Variants in CLIC4 observed in about 807,000 individuals in gnomAD.
CLIC4 encodes CLIC family member 4.
Under a neutral mutation model 24.6 loss-of-function variants are expected in CLIC4, and 13 were observed. That is an observed-to-expected ratio of 0.53 (90% CI 0.34 to 0.84). The LOEUF (loss-of-function observed/expected upper bound fraction) is 0.84. Ranked by LOEUF, CLIC4 falls within the 40% of genes least tolerant of loss-of-function variation. The pLI is 0.01. For synonymous variants in CLIC4, 104 were observed against 111.3 expected (o/e 0.93, Z 0.41); for missense variants, 227 against 301.7 (o/e 0.75, Z 1.83).
intron 3 of CLIC4, among the ~76,000 whole-genome samples, chr1:24,825,281 T>C (rs897596711): frequency 4.6e-5 from 7 of 152,160 alleles, no homozygotes; most frequent in Admixed American, 2.0e-4. Flanking sequence ...TGAAAAGGCA[T>C]TATGTTCACT....
chr1:24,797,353 C>A lies in CLIC4; in HGVS notation c.73-389C>A, dbSNP rs184120097. ...CTTTAGGAGGCTGAGGCAGGTGGATCACTTGAGCCCAGGAGTTCAAGACCA... is the reference window on the plus strand; with the variant it reads ...CTTTAGGAGGCTGAGGCAGGTGGATAACTTGAGCCCAGGAGTTCAAGACCA... On this transcript the variant is annotated intron_variant, in intron 1 of 5. Coordinates refer to ENST00000374379, the MANE Select transcript of CLIC4 (RefSeq NM_013943.3). Among the ~76,000 whole-genome samples, 34 of 151,844 alleles carry A rather than the reference C, an allele frequency of 2.2e-4. No individual in the cohort carries two copies. The East Asian group carries it at 5.1e-3, about 23-fold the overall frequency.
At chr1:24,776,034 C>G (rs1639136727) in intron 1 of CLIC4, among the ~76,000 whole-genome samples, 1 of 152,144 alleles carries the variant, frequency 6.6e-6, no homozygotes. Flanking sequence ...ACTGTCCCCC[C>G]ATAGTAGGTG....
At chr1:24,756,515 C>G (rs1638851896) in intron 1 of CLIC4, among the ~76,000 whole-genome samples, 1 of 152,110 alleles carries the variant, frequency 6.6e-6, no homozygotes. Context: ...TTCCAACTTA[C>G]ATGTGAATAA....
chr1:24,824,072 T>G (rs1415727989), intron 3 of CLIC4, among the ~76,000 whole-genome samples: 2 of 152,224 alleles, frequency 1.3e-5, no homozygotes, highest in Non-Finnish European at 2.9e-5. Flanking sequence ...AAACCATTGC[T>G]TGATCAAGCT....
intron 1 of CLIC4, among the ~76,000 whole-genome samples, chr1:24,765,654 CTG>C (rs1638985438): frequency 6.6e-6 from 1 of 152,170 alleles, no homozygotes; most frequent in Non-Finnish European, 1.5e-5. Context: ...GCAGGAACCC[CTG>C]TGTTAGATTA....
At chr1:24,774,127 G>A (rs1296959958) in intron 1 of CLIC4, among the ~76,000 whole-genome samples, 4 of 151,708 alleles carry the variant, frequency 2.6e-5, no homozygotes, top group Non-Finnish European at 5.9e-5. Context: ...TGCACACTGC[G>A]ACACCTGGCT....
At chr1:24,836,272 AT>A (rs1440724476) in intron 4 of CLIC4, among the ~76,000 whole-genome samples, 2 of 152,214 alleles carry the variant, frequency 1.3e-5, no homozygotes, top group Non-Finnish European at 2.9e-5. Context: ...ATAGTGGGGG[AT>A]CTTAACTTAC....
chr1:24,792,620 C>G (rs1282994106), intron 1 of CLIC4, among the ~76,000 whole-genome samples: 1 of 152,092 alleles, frequency 6.6e-6, no homozygotes, highest in East Asian at 1.9e-4. Flanking sequence ...TCTTATTTGA[C>G]TTGTCATTAG....
At chr1:24,830,586 A>G (rs1639830370) in intron 4 of CLIC4, among the ~76,000 whole-genome samples, 1 of 152,266 alleles carries the variant, frequency 6.6e-6, no homozygotes, top group African/African-American at 2.4e-5. Context: ...AAAAGTCTAT[A>G]CCAGTTTATA....
chr1:24,799,647 TG>T (rs1191825791), intron 2 of CLIC4, among the ~76,000 whole-genome samples: 30 of 51,106 alleles, frequency 5.9e-4, no homozygotes, highest in African/African-American at 1.5e-3. Context: ...GGGAGGGAGG[TG>T]GGGGGGGTCA....
intron 2 of CLIC4, among the ~76,000 whole-genome samples, chr1:24,799,062 G>A (rs1639440941): frequency 1.3e-5 from 2 of 152,104 alleles, no homozygotes; most frequent in Admixed American, 6.5e-5. Flanking sequence ...CTGCCCGGCC[G>A]CCACCCCATC....
intron 2 of CLIC4, among the ~76,000 whole-genome samples, chr1:24,809,044 G>A (rs1639586308): frequency 6.6e-6 from 1 of 152,078 alleles, no homozygotes; most frequent in African/African-American, 2.4e-5. Context: ...AATAAGGAGG[G>A]CTGACTTATT....
intron 1 of CLIC4, among the ~76,000 whole-genome samples, chr1:24,747,949 G>A (rs1638724303): frequency 2.6e-5 from 4 of 151,598 alleles, no homozygotes; most frequent in South Asian, 2.1e-4. Context: ...CGCTTGAACC[G>A]GGGAGGCAAA....
intron 4 of CLIC4, among the ~76,000 whole-genome samples, chr1:24,832,019 T>C (rs1639846793): frequency 6.6e-6 from 1 of 152,214 alleles, no homozygotes; most frequent in Non-Finnish European, 1.5e-5. Flanking sequence ...TTTCTCTTTT[T>C]TCCTCTTAAA....
chr1:24,776,125 G>C (rs1639138311), intron 1 of CLIC4, among the ~76,000 whole-genome samples: 3 of 152,154 alleles, frequency 2.0e-5, no homozygotes, highest in Non-Finnish European at 4.4e-5. Flanking sequence ...GGATCAGCGA[G>C]AGATTTAGAC....
intron 1 of CLIC4, among the ~76,000 whole-genome samples, chr1:24,795,200 A>G (rs953318551): frequency 1.3e-5 from 2 of 152,222 alleles, no homozygotes; most frequent in Non-Finnish European, 2.9e-5. Flanking sequence ...TAAAAACAAT[A>G]GCAACAACCA....
chr1:24,767,148 C>G (rs1443181945), intron 1 of CLIC4, among the ~76,000 whole-genome samples: 2 of 151,850 alleles, frequency 1.3e-5, no homozygotes, highest in Non-Finnish European at 2.9e-5. Context: ...CACATGTGGC[C>G]CACGGACCTC....
At chr1:24,765,348 T>C (rs1485637868) in intron 1 of CLIC4, among the ~76,000 whole-genome samples, 1 of 152,200 alleles carries the variant, frequency 6.6e-6, no homozygotes, top group Non-Finnish European at 1.5e-5. Context: ...CTTTTATTTT[T>C]TTCCGTGCAC....
intron 1 of CLIC4, among the ~76,000 whole-genome samples, chr1:24,768,072 A>G (rs1263074054): frequency 6.6e-6 from 1 of 151,890 alleles, no homozygotes; most frequent in Non-Finnish European, 1.5e-5. Context: ...GACTCCTGAC[A>G]TGAGGTGATC....
Sources: gnomAD v4.1 joint callset for allele counts (sites outside exome capture counted in the v4.1 genomes callset) on GRCh38, gnomAD v4.1.1 for gene constraint, MANE v1.5 for transcripts, NCBI Gene and HGNC (gene_info 2026-07-23, HGNC 2026-07-21) for gene names.